Variants in RBL2 observed in about 807,000 individuals in gnomAD.
RBL2 encodes the protein retinoblastoma-like protein 2.
A neutral mutation model predicts 126.0 loss-of-function variants in RBL2; 56 were observed. That is an observed-to-expected ratio of 0.44 (90% CI 0.36 to 0.56). The LOEUF (loss-of-function observed/expected upper bound fraction) is 0.56. RBL2 is among the 20% of genes least tolerant of loss of function. The pLI is 0.00. For missense variants in RBL2, 1,229 were observed against 1,398.2 expected (o/e 0.88, Z 1.93); for synonymous variants, 454 against 478.5 (o/e 0.95, Z 0.67).
chr16:53,459,297 G>C (rs1279295108), intron 8 of RBL2, among the ~76,000 whole-genome samples, 154 bp from the exon 9 acceptor site: 1 of 152,158 alleles, frequency 6.6e-6, no homozygotes, highest in Admixed American at 6.5e-5. Context: ...TCCAAGAATG[G>C]TGACATTTGA....
chr16:53,479,171 G>T lies in RBL2; in HGVS notation c.2721G>T (p.Lys907Asn). The stretch of plus-strand genomic sequence containing the variant: ...TTTGCCAGGTCACAAAAGAAGATAA[G>T]TCCTTCCAGAACATTATGCGTTGTT... Reference protein sequence around the residue: ...YVMAKVTKEDKSFQNIMRCYR... With the variant: ...YVMAKVTKEDNSFQNIMRCYR... Residue 907 changes from lysine to asparagine, a missense_variant, in exon 18 of 22, where the codon AAG (lysine) becomes AAT (asparagine). Lys to Asn is a moderately conservative substitution (Grantham distance 94). This residue lies in a region of RBL2 where 1,070 missense variants were observed against 1,274.3 expected (regional missense o/e 0.84). Coordinates refer to ENST00000262133, the MANE Select transcript of RBL2 (RefSeq NM_005611.4). The T allele has an allele frequency of 6.2e-7, 1 of 1,613,832 alleles. No homozygotes were observed. The highest frequency in any genetic ancestry group is 8.5e-7 in the Non-Finnish European group (1 of 1,179,752).
Position 53,480,571 on chromosome 16 carries a change from TAG to T in RBL2, c.2890_2891del (p.Asp964LeufsTer32). ...CCTTTGTTCTCCTGGCTGCAGCCAG[TAG>T]AGACTCCAGTCCAGTTATGAGGTCA... Reference protein sequence around the residue: ...PTELNKDRTSRDSSPVMRSSS... With the variant: ...PTELNKDRTSXDSSPVMRSSS... On this transcript the variant is annotated frameshift_variant, in exon 20 of 22. Coordinates refer to ENST00000262133, the MANE Select transcript of RBL2 (RefSeq NM_005611.4). LOFTEE classifies it high-confidence loss of function. 1 of 1,612,776 alleles carries T rather than the reference TAG, an allele frequency of 6.2e-7. No homozygotes were observed. Among genetic ancestry groups the T allele is most frequent in the Non-Finnish European group, 8.5e-7 (1 of 1,179,314 alleles).
rs531089860 is a variant in RBL2 at position 53,446,154 on chromosome 16, G to A, written c.573-888G>A. 3.1e-3 allele frequency among the ~76,000 whole-genome samples: 468 copies of A among 152,238 alleles called. 4 individuals are homozygous for A. The highest frequency in any genetic ancestry group is 0.01 in the Middle Eastern group (3 of 294). The stretch of plus-strand genomic sequence containing the variant: ...CTTAAGTGTTAAGCTAAAAAAAATT[G>A]AATTTTATTTTGGTAGGCAACTAAA... On this transcript the variant is annotated intron_variant, in intron 3 of 21. Coordinates refer to ENST00000262133, the MANE Select transcript of RBL2 (RefSeq NM_005611.4).
intron 21 of RBL2, among the ~76,000 whole-genome samples, chr16:53,484,198 C>T (rs1370301860): frequency 6.6e-6 from 1 of 152,144 alleles, no homozygotes; most frequent in African/African-American, 2.4e-5. Context: ...TTAAATTAGA[C>T]TCTCATCCTG....
intron 9 of RBL2, among the ~76,000 whole-genome samples, chr16:53,461,104 G>A (rs1411932829): frequency 6.6e-6 from 1 of 152,128 alleles, no homozygotes; most frequent in East Asian, 1.9e-4. Flanking sequence ...GGCAAGTTTG[G>A]GATAATCAGT....
At chr16:53,457,041 T>C (rs763556631) in intron 8 of RBL2, among the ~76,000 whole-genome samples, 18 of 152,066 alleles carry the variant, frequency 1.2e-4, no homozygotes, top group East Asian at 3.9e-4. Flanking sequence ...TCGGGGAACA[T>C]TTACTACTGA....
intron 21 of RBL2, chr16:53,487,591 G>A (rs1961225575): frequency 6.6e-6 from 1 of 151,806 alleles, no homozygotes; most frequent in Non-Finnish European, 1.5e-5. Flanking sequence ...AAAACCTCTA[G>A]AAGACAACAG....
intron 1 of RBL2, among the ~76,000 whole-genome samples, chr16:53,438,391 C>G (rs562485067): frequency 6.6e-6 from 1 of 152,302 alleles, no homozygotes; most frequent in East Asian, 1.9e-4. Flanking sequence ...TCTATACTGC[C>G]TTGTATAATC....
At chr16:53,435,039 C>G (rs947413787) in intron 1 of RBL2, among the ~76,000 whole-genome samples, 1 of 152,186 alleles carries the variant, frequency 6.6e-6, no homozygotes, top group Non-Finnish European at 1.5e-5. Flanking sequence ...CACAGCAAGG[C>G]TGAGATCGCG....
rs1416808102 is a variant in RBL2, at chr16:53,479,757, A to G, written c.2776-129A>G. The G allele has an allele frequency of 1.6e-5, 10 of 618,456 alleles. No individual in the cohort carries two copies. In the Admixed American group the frequency reaches 2.4e-4, roughly 15 times the overall value. The allele number at this position is 618,456 out of a possible 1,614,324, so 38.3% of individuals were successfully genotyped here. On this transcript the variant is annotated intron_variant, in intron 18 of 21. Transcript: ENST00000262133. Reference sequence around the variant, plus strand: ...GTTATAATTTGAGTTATGTTTCTCAACCTGTTCTGAGGACAACTATTGCTA... The same window carrying G: ...GTTATAATTTGAGTTATGTTTCTCAGCCTGTTCTGAGGACAACTATTGCTA...
At chr16:53,457,126 G>A (rs2058174966) in intron 8 of RBL2, among the ~76,000 whole-genome samples, 2 of 151,872 alleles carry the variant, frequency 1.3e-5, no homozygotes, top group African/African-American at 4.8e-5. Flanking sequence ...TTAAATTAGA[G>A]ATGTCTTTTA....
At chr16:53,481,972 G>A in intron 21 of RBL2, 137 bp downstream of exon 21, 3 of 1,043,322 alleles carry the variant, frequency 2.9e-6, no homozygotes, top group Non-Finnish European at 2.8e-6. Flanking sequence ...TCCTCATGAA[G>A]CAAAACCCAG....
intron 3 of RBL2, among the ~76,000 whole-genome samples, 160 bp downstream of exon 3, chr16:53,443,018 T>A (rs559649088): frequency 1.3e-5 from 2 of 152,184 alleles, no homozygotes; most frequent in South Asian, 4.1e-4. Context: ...TGCTTTTCAT[T>A]GTGGGTTAGC....
At chr16:53,444,580 A>AAAT (rs1316312143) in intron 3 of RBL2, among the ~76,000 whole-genome samples, 3 of 149,962 alleles carry the variant, frequency 2.0e-5, no homozygotes, top group African/African-American at 7.4e-5. Flanking sequence ...ATAAATAAAT[A>AAAT]AAATGACATA....
intron 10 of RBL2, among the ~76,000 whole-genome samples, chr16:53,462,174 T>C (rs971259582): frequency 6.6e-6 from 1 of 152,212 alleles, no homozygotes; most frequent in Non-Finnish European, 1.5e-5. Context: ...ATCACTGTTA[T>C]GGGCCCAAAC....
intron 5 of RBL2, among the ~76,000 whole-genome samples, chr16:53,452,861 G>A (rs1201508079): frequency 6.6e-6 from 1 of 151,942 alleles, no homozygotes; most frequent in African/African-American, 2.4e-5. Context: ...GTATAGATGA[G>A]GTTTCGCCAT....
chr16:53,463,352 A>G (rs1227214995), intron 11 of RBL2, among the ~76,000 whole-genome samples: 2 of 151,822 alleles, frequency 1.3e-5, no homozygotes, highest in Non-Finnish European at 2.9e-5. Context: ...GTTGAGACAG[A>G]GTCTCACTCT....
At chr16:53,478,955 T>G in intron 17 of RBL2, 199 bp from the exon 18 acceptor site, 1 of 572,272 alleles carries the variant, frequency 1.7e-6, no homozygotes, top group Non-Finnish European at 3.1e-6. Flanking sequence ...TAGACTCCTA[T>G]TGTTTTTATT....
chr16:53,457,501 T>A (rs1183951997), intron 8 of RBL2, among the ~76,000 whole-genome samples: 1 of 151,846 alleles, frequency 6.6e-6, no homozygotes, highest in Non-Finnish European at 1.5e-5. Flanking sequence ...CCTCATGATC[T>A]TCCCGCCTCG....
Sources: gnomAD v4.1 joint callset for allele counts (sites outside exome capture counted in the v4.1 genomes callset) on GRCh38, gnomAD v4.1.1 for gene constraint, gnomAD v4.1.1 regional missense constraint, MANE v1.5 for transcripts, NCBI Gene and HGNC (gene_info 2026-07-23, HGNC 2026-07-21) for gene names.